The following TBC1D5 variants were observed in gnomAD, a reference collection of about 807,000 sequenced individuals.
TBC1D5 encodes TBC1 domain family member 5, also known as TBC1 domain family, member 5.
A neutral mutation model predicts 100.3 loss-of-function variants in TBC1D5; 75 were observed. The ratio of observed to expected loss-of-function variants is 0.75; its 90% CI spans 0.62 to 0.91. The LOEUF (loss-of-function observed/expected upper bound fraction) is 0.91, where lower values mean the gene tolerates loss of function less well. Among genes scored for constraint, TBC1D5 ranks in the 40% least tolerant of loss-of-function variants. The probability of loss-of-function intolerance (pLI) is 0.00; values close to 1 mark genes in which losing one functional copy is unlikely to be tolerated. For synonymous variants in TBC1D5, 323 were observed against 325.6 expected (o/e 0.99, Z 0.09); for missense variants, 910 against 942.4 (o/e 0.97, Z 0.45).
At chr3:17,577,609 A>G (rs1472301499) in intron 2 of TBC1D5, among the ~76,000 whole-genome samples, 1 of 151,984 alleles carries the variant, frequency 6.6e-6, no homozygotes, top group Non-Finnish European at 1.5e-5. Context: ...TGAAAGTGGG[A>G]GGAATAGGTA....
chr3:17,317,924 A>C (rs1193683058), intron 13 of TBC1D5, among the ~76,000 whole-genome samples: 4 of 152,100 alleles, frequency 2.6e-5, no homozygotes, highest in African/African-American at 9.7e-5. Context: ...AGACACATGC[A>C]CACGTATGTT....
chr3:17,531,132 G>T (rs576435285), intron 2 of TBC1D5, among the ~76,000 whole-genome samples: 1 of 152,106 alleles, frequency 6.6e-6, no homozygotes, highest in Admixed American at 6.5e-5. Flanking sequence ...CAACTTCAGG[G>T]AAGTCTCAGG....
intron 1 of TBC1D5, among the ~76,000 whole-genome samples, chr3:17,650,513 G>A (rs1038766307): frequency 6.6e-6 from 1 of 151,962 alleles, no homozygotes. Context: ...AATGGGTAAA[G>A]ATTTTTATTT....
chr3:17,407,066 C>T (rs2093789815), intron 4 of TBC1D5, among the ~76,000 whole-genome samples: 1 of 152,000 alleles, frequency 6.6e-6, no homozygotes, highest in African/African-American at 2.4e-5. Context: ...AAAATTTTAA[C>T]AGGTGTGGGC....
intron 18 of TBC1D5, among the ~76,000 whole-genome samples, chr3:17,187,690 C>T (rs2069310403): frequency 6.6e-6 from 1 of 152,176 alleles, no homozygotes; most frequent in African/African-American, 2.4e-5. Context: ...TATTCCTGGT[C>T]CTGCCTGGTC....
intron 13 of TBC1D5, among the ~76,000 whole-genome samples, chr3:17,369,018 T>A (rs1012509630): frequency 6.6e-6 from 1 of 152,204 alleles, no homozygotes; most frequent in Non-Finnish European, 1.5e-5. Flanking sequence ...ATTAAGATAT[T>A]TGTGTGATAC....
intron 13 of TBC1D5, among the ~76,000 whole-genome samples, chr3:17,366,125 A>C (rs1001387381): frequency 3.3e-5 from 5 of 152,016 alleles, no homozygotes. Context: ...CCTTGTCTTT[A>C]CCAAAAATAC....
intron 1 of TBC1D5, among the ~76,000 whole-genome samples, chr3:17,733,878 T>G (rs956683996): frequency 5.9e-5 from 9 of 152,134 alleles, no homozygotes; most frequent in African/African-American, 2.2e-4. Context: ...AGCGACTGGT[T>G]ACACAATAAA....
At chr3:17,724,448 G>A (rs965168334) in intron 1 of TBC1D5, among the ~76,000 whole-genome samples, 1 of 152,052 alleles carries the variant, frequency 6.6e-6, no homozygotes, top group Non-Finnish European at 1.5e-5. Context: ...GTGTTTCCTG[G>A]CTTCCATTTT....
At chr3:17,566,566 T>A (rs898258815) in intron 2 of TBC1D5, among the ~76,000 whole-genome samples, 2 of 151,846 alleles carry the variant, frequency 1.3e-5, no homozygotes, top group Non-Finnish European at 2.9e-5. Context: ...TAAGAGTTAA[T>A]AAATAGTAAC....
At chr3:17,624,740 T>C (rs1205425917) in intron 1 of TBC1D5, among the ~76,000 whole-genome samples, 7 of 152,102 alleles carry the variant, frequency 4.6e-5, no homozygotes, top group African/African-American at 1.2e-4. Context: ...ATCTGTACTA[T>C]ATACACCTCT....
intron 3 of TBC1D5, among the ~76,000 whole-genome samples, chr3:17,479,634 T>C (rs2095477579): frequency 1.3e-5 from 2 of 152,066 alleles, no homozygotes; most frequent in Non-Finnish European, 2.9e-5. Context: ...CCCAGGAATT[T>C]GAGACCAGCC....
intron 1 of TBC1D5, among the ~76,000 whole-genome samples, chr3:17,637,763 C>T (rs1198501235): frequency 6.6e-6 from 1 of 152,126 alleles, no homozygotes; most frequent in East Asian, 1.9e-4. Context: ...TATGTTATCA[C>T]GTACCACTGG....
Position 17,428,439 on chromosome 3 carries a change from TC to T in TBC1D5, c.167+10del. The T allele has an allele frequency of 9.9e-7, 1 of 1,013,458 alleles. No individual in the cohort carries two copies. The allele number at this position is 1,013,458 out of a possible 1,614,324, so 62.8% of individuals were successfully genotyped here. A position where few individuals can be genotyped will look rare whatever the true frequency, so the allele number is the denominator to read the frequency against. ...TATATATATATATATATATATGTAT[TC>T]ATCACCTACCTATAGGAATTAAAAG... On this transcript the variant is annotated intron_variant, in intron 4 of 21. Transcript: ENST00000253692.
intron 17 of TBC1D5, among the ~76,000 whole-genome samples, chr3:17,218,932 T>C (rs1438715077): frequency 6.6e-6 from 1 of 151,916 alleles, no homozygotes; most frequent in Non-Finnish European, 1.5e-5. Context: ...TTGAGGTATG[T>C]ACTAATGCTT....
intron 13 of TBC1D5, chr3:17,337,661 GA>G (rs2151314417): frequency 6.6e-6 from 1 of 152,230 alleles, no homozygotes; most frequent in South Asian, 2.1e-4. Flanking sequence ...AGATAAACCT[GA>G]AGTTTAAATA....
intron 15 of TBC1D5, among the ~76,000 whole-genome samples, chr3:17,284,111 C>CACACACACACAT (rs1553651912): frequency 3.8e-4 from 58 of 150,978 alleles, no homozygotes; most frequent in African/African-American, 1.3e-3. Flanking sequence ...CACACACACA[C>CACACACACACAT]ACACACACAC....
At chr3:17,485,332 T>TTTAGTA (rs2095550118) in intron 3 of TBC1D5, among the ~76,000 whole-genome samples, 1 of 149,632 alleles carries the variant, frequency 6.7e-6, no homozygotes, top group Non-Finnish European at 1.5e-5. Flanking sequence ...GCCAATATTC[T>TTTAGTA]TTATTATTAT....
intron 1 of TBC1D5, among the ~76,000 whole-genome samples, chr3:17,689,518 CAAAAAAA>C (rs373476990): frequency 3.6e-5 from 2 of 55,076 alleles, no homozygotes; most frequent in African/African-American, 1.4e-4. Context: ...GACCCTGTCT[CAAAAAAA>C]AAAAAAAAAA....
Sources: gnomAD v4.1 joint callset for allele counts (sites outside exome capture counted in the v4.1 genomes callset) on GRCh38, gnomAD v4.1.1 for gene constraint, MANE v1.5 for transcripts, NCBI Gene and HGNC (gene_info 2026-07-23, HGNC 2026-07-21) for gene names.